CFAP299: variants seen among roughly 807,000 people sequenced by gnomAD.
CFAP299 encodes cilia and flagella associated protein 299, also known as cilia- and flagella-associated protein 299.
A neutral mutation model predicts 27.0 loss-of-function variants in CFAP299; 21 were observed. That is an observed-to-expected ratio of 0.78 (90% CI 0.55 to 1.12). The LOEUF (loss-of-function observed/expected upper bound fraction) is 1.12, where lower values mean the gene tolerates loss of function less well. Ranked by LOEUF, CFAP299 falls within the 50% of genes most tolerant of loss-of-function variation. The pLI is 0.00. For synonymous variants in CFAP299, 104 were observed against 98.1 expected (o/e 1.06, Z -0.36); for missense variants, 310 against 276.6 (o/e 1.12, Z -0.86).
intron 3 of CFAP299, among the ~76,000 whole-genome samples, chr4:80,599,400 A>G (rs1293003473): frequency 1.3e-5 from 2 of 152,172 alleles, no homozygotes; most frequent in East Asian, 3.8e-4. Context: ...TGGTCTTTAC[A>G]GTTATGTGCC....
intron 3 of CFAP299, among the ~76,000 whole-genome samples, chr4:80,865,100 T>G (rs1290076185): frequency 6.6e-6 from 1 of 152,142 alleles, no homozygotes; most frequent in Non-Finnish European, 1.5e-5. Flanking sequence ...TTACCAAAAC[T>G]CTCAATGCTT....
chr4:80,444,109 G>A (rs1002569159), intron 2 of CFAP299, among the ~76,000 whole-genome samples: 3 of 152,164 alleles, frequency 2.0e-5, no homozygotes, highest in Non-Finnish European at 4.4e-5. Context: ...ACTGCCCACA[G>A]TAGTTTATAG....
At chr4:80,933,655 T>G (rs1423330613) in intron 4 of CFAP299, among the ~76,000 whole-genome samples, 1 of 152,114 alleles carries the variant, frequency 6.6e-6, no homozygotes, top group East Asian at 1.9e-4. Flanking sequence ...TTTCACCTCC[T>G]TGGTTAATTT....
intron 2 of CFAP299, among the ~76,000 whole-genome samples, chr4:80,369,100 T>C (rs963850830): frequency 6.6e-6 from 1 of 152,310 alleles, no homozygotes; most frequent in African/African-American, 2.4e-5. Context: ...GGCCTTAGTA[T>C]CTCCACTGTA....
intron 3 of CFAP299, among the ~76,000 whole-genome samples, chr4:80,713,276 A>G (rs771641758): frequency 3.3e-5 from 5 of 152,292 alleles, no homozygotes; most frequent in South Asian, 4.1e-4. Context: ...TATTAACCCA[A>G]TTGAACCCAT....
intron 2 of CFAP299, among the ~76,000 whole-genome samples, chr4:80,545,617 C>T (rs1734188811): frequency 6.6e-6 from 1 of 152,014 alleles, no homozygotes; most frequent in African/African-American, 2.4e-5. Flanking sequence ...ACCTTATCAA[C>T]CAAAAAAAGT....
At chr4:80,409,037 C>CA (rs777242776) in intron 2 of CFAP299, among the ~76,000 whole-genome samples, 2,519 of 67,212 alleles carry the variant, frequency 0.037, 73 homozygotes, top group East Asian at 0.2. Context: ...GAGACTCTTT[C>CA]AAAAAAAAAA....
At chr4:80,957,798 T>C (rs1039471530) in intron 5 of CFAP299, among the ~76,000 whole-genome samples, 3 of 152,198 alleles carry the variant, frequency 2.0e-5, no homozygotes, top group Admixed American at 6.5e-5. Flanking sequence ...CAAGTTTCCC[T>C]GGCAGTCTGT....
chr4:80,366,184 A>G (rs1321013103), intron 2 of CFAP299, among the ~76,000 whole-genome samples: 2 of 152,192 alleles, frequency 1.3e-5, no homozygotes, highest in East Asian at 3.9e-4. Context: ...ATATGCATGA[A>G]CATCTGACTG....
chr4:80,472,334 A>G (rs772651537), intron 2 of CFAP299, among the ~76,000 whole-genome samples: 2 of 152,222 alleles, frequency 1.3e-5, no homozygotes, highest in Non-Finnish European at 2.9e-5. Context: ...AAAGAACTCT[A>G]TAACACAATT....
chr4:80,647,039 T>C (rs939030830), intron 3 of CFAP299, among the ~76,000 whole-genome samples: 2 of 151,768 alleles, frequency 1.3e-5, no homozygotes, highest in Non-Finnish European at 2.9e-5. Context: ...GGTAAATAGA[T>C]ATAGATGTAC....
chr4:80,690,496 G>A (rs1384671886), intron 3 of CFAP299, among the ~76,000 whole-genome samples: 6 of 151,918 alleles, frequency 3.9e-5, no homozygotes, highest in Non-Finnish European at 5.9e-5. Flanking sequence ...TGAAACCAAC[G>A]AGAACAAAGA....
chr4:80,574,570 A>G lies in CFAP299; in HGVS notation c.243-8523A>G, dbSNP rs1213644738. Among the ~76,000 whole-genome samples, 4 of 152,140 alleles carry G rather than the reference A, an allele frequency of 2.6e-5. No individual in the cohort carries two copies. In the East Asian group the frequency reaches 5.8e-4, roughly 22 times the overall value. On this transcript the variant is annotated intron_variant, in intron 2 of 5. Coordinates refer to ENST00000358105, the MANE Select transcript of CFAP299 (RefSeq NM_152770.3). ...GAGAAAAGACTTTCAATTTTTCCCC[A>G]TTAAGTATGATACTAGCTGTGGGTT...
chr4:80,807,679 A>C (rs1728934469), intron 3 of CFAP299, among the ~76,000 whole-genome samples: 1 of 152,122 alleles, frequency 6.6e-6, no homozygotes, highest in African/African-American at 2.4e-5. Flanking sequence ...AACTGGTTTA[A>C]AAAGTGCTTT....
chr4:80,609,898 G>T (rs76035035), intron 3 of CFAP299, among the ~76,000 whole-genome samples: 1,798 of 152,118 alleles, frequency 0.012, 19 homozygotes, highest in African/African-American at 0.025. Flanking sequence ...CAAAATGATA[G>T]AGTGAAAAGA....
chr4:80,436,876 T>C (rs17004900), intron 2 of CFAP299, among the ~76,000 whole-genome samples: 11,242 of 152,192 alleles, frequency 0.074, 1,348 homozygotes, highest in African/African-American at 0.25. Context: ...ATTTTGGGTC[T>C]CGTAACAGTC....
intron 3 of CFAP299, among the ~76,000 whole-genome samples, chr4:80,868,167 G>C (rs910271328): frequency 1.3e-5 from 2 of 152,038 alleles, no homozygotes; most frequent in Admixed American, 6.6e-5. Flanking sequence ...TTTTATTTAA[G>C]AAGCCATTAT....
At position 80,347,997 on chromosome 4, in the gene CFAP299, C is replaced by T. The variant is rs973000299; in HGVS notation, c.111+12118C>T. Among the ~76,000 whole-genome samples, 5 of 151,518 alleles carry T rather than the reference C, an allele frequency of 3.3e-5. No individual in the cohort carries two copies. The East Asian group carries it at 9.7e-4, about 29-fold the overall frequency. ...AATAGAGAAGATAGAATAAGACCAC[C>T]CACCTACAACCATCTCATCTTTGAC... On this transcript the variant is annotated intron_variant, in intron 1 of 5. Coordinates refer to ENST00000358105, the MANE Select transcript of CFAP299 (RefSeq NM_152770.3).
At chr4:80,806,921 G>T (rs1728893961) in intron 3 of CFAP299, among the ~76,000 whole-genome samples, 1 of 152,118 alleles carries the variant, frequency 6.6e-6, no homozygotes, top group Non-Finnish European at 1.5e-5. Flanking sequence ...ATTTAAAGAT[G>T]TTAGTTTTTC....
Sources: allele counts gnomAD v4.1 joint callset (sites outside exome capture counted in the v4.1 genomes callset), GRCh38; gene constraint gnomAD v4.1.1; transcripts MANE v1.5; gene names NCBI Gene and HGNC (gene_info 2026-07-23, HGNC 2026-07-21).